CPXM2: variants seen among roughly 807,000 people sequenced by gnomAD.
CPXM2 encodes the protein inactive carboxypeptidase-like protein X2.
In CPXM2, 66 loss-of-function variants were observed where a neutral mutation model predicts 86.1. The observed-to-expected ratio is 0.77, with a 90% CI of 0.63 to 0.94. CPXM2 has a LOEUF of 0.94. Among genes scored for constraint, CPXM2 ranks in the 40% least tolerant of loss-of-function variants. CPXM2 has a pLI of 0.00. For synonymous variants in CPXM2, 388 were observed against 400.2 expected (o/e 0.97, Z 0.36); for missense variants, 948 against 1,026.3 (o/e 0.92, Z 1.04).
intron 6 of CPXM2, among the ~76,000 whole-genome samples, chr10:123,781,381 G>A (rs1019990274): frequency 6.6e-6 from 1 of 152,190 alleles, no homozygotes; most frequent in Admixed American, 6.5e-5. Flanking sequence ...GGACAGGGAG[G>A]AGCAAGAACA....
At chr10:123,939,462 G>A (rs1590132302) in intron 2 of CPXM2, 1 of 152,184 alleles carries the variant, frequency 6.6e-6, no homozygotes, top group African/African-American at 2.4e-5. Context: ...TTCCCATCCT[G>A]TCTCTGTTAC....
Position 123,880,206 on chromosome 10 carries a change from C to T in CPXM2, c.403+5G>A, listed in dbSNP as rs754626899. On this transcript the variant is annotated splice_donor_5th_base_variant and intron_variant, in intron 2 of 13. Transcript: ENST00000241305. ...GTGTAGGGGCTCTCCGAGAGCCTCA[C>T]TTACTCTCTCTGACATCTTCACGGG... is the stretch of plus-strand genomic sequence containing the variant. The T allele has an allele frequency of 2.2e-6, 3 of 1,376,206 alleles. No homozygotes were observed. Among genetic ancestry groups the T allele is most frequent in the Admixed American group, 3.4e-5 (2 of 58,926 alleles). 85.2% of individuals were successfully genotyped at this position (1,376,206 alleles called of 1,614,324 possible). A position where few individuals can be genotyped will look rare whatever the true frequency, so the allele number is the denominator to read the frequency against.
chr10:123,793,436 C>T lies in CPXM2; in HGVS notation c.889+4540G>A, dbSNP rs992980806. Among the ~76,000 whole-genome samples the T allele has an allele frequency of 5.0e-5, 7 of 141,292 alleles. No individual in the cohort carries two copies. The South Asian group carries it at 1.5e-3, about 31-fold the overall frequency. The allele number at this position is 141,292 out of a possible 152,430, so 92.7% of individuals were successfully genotyped here. On this transcript the variant is annotated intron_variant, in intron 6 of 13. Coordinates refer to ENST00000241305, the MANE Select transcript of CPXM2 (RefSeq NM_198148.3). Reference sequence around the variant, plus strand: ...CCAGACCACGCCACTGCACTCCAGCCTGGGCGACAGAGCGAGACTCCGTCT... The same window carrying T: ...CCAGACCACGCCACTGCACTCCAGCTTGGGCGACAGAGCGAGACTCCGTCT...
upstream of CPXM2, among the ~76,000 whole-genome samples, chr10:123,942,539 C>G (rs1018200116): frequency 2.6e-5 from 4 of 152,202 alleles, no homozygotes; most frequent in African/African-American, 4.8e-5. Context: ...AGCACCACGA[C>G]AGTTTACAAA....
At chr10:123,782,418 G>A (rs889220743) in intron 6 of CPXM2, among the ~76,000 whole-genome samples, 1 of 152,140 alleles carries the variant, frequency 6.6e-6, no homozygotes, top group Non-Finnish European at 1.5e-5. Flanking sequence ...AGAGCCCTAA[G>A]TACAAAAGAG....
intron 6 of CPXM2, among the ~76,000 whole-genome samples, chr10:123,784,777 G>C (rs1441321253): frequency 6.6e-6 from 1 of 152,146 alleles, no homozygotes; most frequent in Non-Finnish European, 1.5e-5. Context: ...AAGTCTACCT[G>C]CTGATCTTAA....
rs1182661922 is a variant in CPXM2 at position 123,885,909 on chromosome 10, A to G, written c.304+5447T>C. Among the ~76,000 whole-genome samples, 2 of 152,250 alleles carry G rather than the reference A, an allele frequency of 1.3e-5. No individual in the cohort carries two copies. The highest frequency in any genetic ancestry group is 4.8e-5 in the African/African-American group (2 of 41,470). On this transcript the variant is annotated intron_variant, in intron 1 of 13. Transcript: ENST00000241305. The surrounding 1 kb of genome is among the most constrained non-coding windows in gnomAD (Gnocchi z 4.0). ...ACAGAAAACACAGTGGCTATTTTTA[A>G]GAACCACAGCATGCAGTCCAGCTTT...
chr10:123,774,213 GC>G (rs1481454933), intron 7 of CPXM2, among the ~76,000 whole-genome samples: 2 of 152,148 alleles, frequency 1.3e-5, no homozygotes, highest in Non-Finnish European at 1.5e-5. Flanking sequence ...GTGGGCAGGT[GC>G]CCGTTAGGGA....
At chr10:123,801,669 T>C (rs916625299) in intron 4 of CPXM2, among the ~76,000 whole-genome samples, 3 of 152,214 alleles carry the variant, frequency 2.0e-5, no homozygotes, top group African/African-American at 7.2e-5. Context: ...TTTTAAGTAT[T>C]CTTATATTAA....
At chr10:123,760,308 C>G (rs1319799716) in intron 11 of CPXM2, among the ~76,000 whole-genome samples, 1 of 152,008 alleles carries the variant, frequency 6.6e-6, no homozygotes, top group African/African-American at 2.4e-5. Context: ...GTTTTTAGGG[C>G]TAAAAACTTG....
intron 6 of CPXM2, among the ~76,000 whole-genome samples, chr10:123,787,522 C>T (rs555425693): frequency 2.0e-5 from 3 of 152,174 alleles, no homozygotes; most frequent in East Asian, 1.9e-4. Flanking sequence ...TTAGTAGAGA[C>T]GGGGTTTCGC....
chr10:123,769,911 T>G (rs1046068738), intron 8 of CPXM2, among the ~76,000 whole-genome samples: 9 of 152,216 alleles, frequency 5.9e-5, no homozygotes, highest in African/African-American at 2.2e-4. Context: ...CACATCTCCT[T>G]CCCTCATTGG....
intron 2 of CPXM2, among the ~76,000 whole-genome samples, chr10:123,905,723 C>G (rs1317286531): frequency 1.3e-5 from 2 of 152,112 alleles, no homozygotes; most frequent in Non-Finnish European, 2.9e-5. Context: ...AGGGTCAGAC[C>G]ATCCTGGGGG....
intron 4 of CPXM2, among the ~76,000 whole-genome samples, chr10:123,825,847 C>A (rs981384618): frequency 4.6e-5 from 7 of 152,148 alleles, no homozygotes; most frequent in Non-Finnish European, 1.0e-4. Context: ...CCCTTACTTT[C>A]AGTGCACAAA....
intron 7 of CPXM2, among the ~76,000 whole-genome samples, chr10:123,775,789 C>T (rs1476060812): frequency 3.3e-5 from 5 of 152,238 alleles, no homozygotes; most frequent in Admixed American, 6.5e-5. Context: ...TCCCTCTGCA[C>T]GGTGGCCCTC....
intron 3 of CPXM2, among the ~76,000 whole-genome samples, chr10:123,855,463 C>T (rs546869180): frequency 1.2e-4 from 19 of 152,218 alleles, no homozygotes; most frequent in African/African-American, 3.1e-4. Context: ...AGGTGTGGGT[C>T]GGGCACAGGT....
rs1182956287 is a variant in CPXM2, at chr10:123,925,080, CATG to C, written n.174+14394_174+14396del. On this transcript the variant is annotated intron_variant and non_coding_transcript_variant, in intron 2 of 19. Coordinates refer to the CPXM2 transcript ENST00000368854. Reference sequence around the variant, plus strand: ...GGATTATGATTTAGGGGTAAAGTGTCATGATAAGTCATAAATTATTTTCAAATG... The same window carrying C: ...GGATTATGATTTAGGGGTAAAGTGTCATAAGTCATAAATTATTTTCAAATG... Among the ~76,000 whole-genome samples, 13 of 142,940 alleles carry C rather than the reference CATG, an allele frequency of 9.1e-5. No individual in the cohort carries two copies. In the East Asian group the frequency reaches 2.6e-3, roughly 29 times the overall value. The allele number at this position is 142,940 out of a possible 152,430, so 93.8% of individuals were successfully genotyped here.
At chr10:123,915,724 C>A (rs1945529442) in intron 2 of CPXM2, among the ~76,000 whole-genome samples, 1 of 152,162 alleles carries the variant, frequency 6.6e-6, no homozygotes, top group African/African-American at 2.4e-5. Context: ...ATCCACACTA[C>A]ATCCTCAGAG....
At chr10:123,766,874 A>G (rs1846488537) in intron 10 of CPXM2, 99 bp downstream of exon 10, 2 of 959,676 alleles carry the variant, frequency 2.1e-6, no homozygotes, top group Non-Finnish European at 3.2e-6. Context: ...AGAAAAAAAC[A>G]GTTTTGTCTC....
Sources: allele counts gnomAD v4.1 joint callset (sites outside exome capture counted in the v4.1 genomes callset), GRCh38; gene constraint gnomAD v4.1.1; non-coding constraint Gnocchi (gnomAD v3.1); transcripts MANE v1.5; gene names NCBI Gene and HGNC (gene_info 2026-07-23, HGNC 2026-07-21).